Variants in CCDC69 observed in about 807,000 individuals in gnomAD.
CCDC69 encodes the protein coiled-coil domain-containing protein 69.
In CCDC69, 38 loss-of-function variants were observed where a neutral mutation model predicts 40.3. That is an observed-to-expected ratio of 0.94 (90% CI 0.73 to 1.24). The LOEUF (loss-of-function observed/expected upper bound fraction) is 1.24. CCDC69 is among the 50% of genes most tolerant of loss of function. The probability of loss-of-function intolerance (pLI) is 0.00; values close to 1 mark genes in which losing one functional copy is unlikely to be tolerated. For synonymous variants in CCDC69, 141 were observed against 138.9 expected (o/e 1.02, Z -0.11); for missense variants, 389 against 357.9 (o/e 1.09, Z -0.70).
chr5:151,204,112 C>T (rs1752820007), intron 2 of CCDC69, among the ~76,000 whole-genome samples: 1 of 151,824 alleles, frequency 6.6e-6, no homozygotes. Context: ...TCACCACAGC[C>T]TCAACCTCCT....
intron 1 of CCDC69, among the ~76,000 whole-genome samples, chr5:151,222,970 A>C (rs944297665): frequency 6.6e-6 from 1 of 152,174 alleles, no homozygotes; most frequent in Admixed American, 6.5e-5. Context: ...AAACACTGTC[A>C]CAGTTTGGGG....
intron 3 of CCDC69, 34 bp downstream of exon 3, chr5:151,201,548 G>T: frequency 6.9e-7 from 1 of 1,443,216 alleles, no homozygotes; most frequent in Non-Finnish European, 9.7e-7. Context: ...AGCTGAGCAG[G>T]AGAAAGACAG....
intron 1 of CCDC69, among the ~76,000 whole-genome samples, chr5:151,219,729 T>A (rs153469): frequency 0.22 from 32,800 of 152,000 alleles, 4,245 homozygotes; most frequent in East Asian, 0.46. Context: ...ATTGTGAGAT[T>A]AAAAGATTTT....
At position 151,187,350 on chromosome 5, in the gene CCDC69, C is replaced by T. The variant is rs201014200; in HGVS notation, c.393+36G>A. ...TGCTTTCCCATTGGTCCTCACTTAC[C>T]CTTATCCAAGACTGACACGACCCAG... On this transcript the variant is annotated intron_variant, in intron 5 of 8. Coordinates refer to ENST00000355417, the MANE Select transcript of CCDC69 (RefSeq NM_015621.3). The T allele has an allele frequency of 1.4e-4, 222 of 1,593,354 alleles. 1 individual carries two copies. The African/African-American group carries it at 2.5e-3, about 18-fold the overall frequency.
intron 4 of CCDC69, chr5:151,198,718 C>T: frequency 2.9e-6 from 1 of 350,000 alleles, no homozygotes; most frequent in Non-Finnish European, 5.2e-6. Flanking sequence ...CTGGGTTTTC[C>T]AAATTTCCCT....
At chr5:151,205,506 G>A (rs1432121446) in intron 1 of CCDC69, 31 bp from the exon 2 acceptor site, 1 of 1,598,580 alleles carries the variant, frequency 6.3e-7, no homozygotes, top group Non-Finnish European at 8.6e-7. Flanking sequence ...GCAAGGCGTG[G>A]GTAGAGGGTG....
intron 1 of CCDC69, among the ~76,000 whole-genome samples, chr5:151,206,620 G>A (rs1000400351): frequency 1.3e-5 from 2 of 152,032 alleles, no homozygotes; most frequent in African/African-American, 2.4e-5. Context: ...TTGCTCTGTC[G>A]CCCAGGCTGG....
At chr5:151,222,763 A>G (rs1002208766) in intron 1 of CCDC69, among the ~76,000 whole-genome samples, 1 of 152,210 alleles carries the variant, frequency 6.6e-6, no homozygotes, top group Admixed American at 6.5e-5. Flanking sequence ...GGAGTGAGTA[A>G]AGACATGAGG....
In CCDC69 at chr5:151,182,222, C is replaced by T. The variant is rs192866790; in HGVS notation, c.*1215G>A. On this transcript the variant is annotated 3_prime_UTR_variant, in exon 9 of 9. Transcript: ENST00000355417. The stretch of plus-strand genomic sequence containing the variant: ...GTATGGAAAGCCTTTGATGCAAATG[C>T]TCTATGCAGAACAGGAGTTATAATT... 2.0e-4 allele frequency: 31 copies of T among 152,378 alleles called. No homozygotes were observed. The highest frequency in any genetic ancestry group is 7.0e-4 in the African/African-American group (29 of 41,570). The allele number at this position is 152,378 out of a possible 1,614,324, so 9.4% of individuals were successfully genotyped here. A position where few individuals can be genotyped will look rare whatever the true frequency, so the allele number is the denominator to read the frequency against.
At chr5:151,218,887 G>A (rs1753092611) in intron 1 of CCDC69, among the ~76,000 whole-genome samples, 1 of 152,166 alleles carries the variant, frequency 6.6e-6, no homozygotes, top group Non-Finnish European at 1.5e-5. Context: ...TTAAAAACAT[G>A]TACATGTGCA....
intron 4 of CCDC69, among the ~76,000 whole-genome samples, chr5:151,191,605 A>G (rs766650292): frequency 6.6e-6 from 1 of 152,264 alleles, no homozygotes; most frequent in Non-Finnish European, 1.5e-5. Context: ...GCACTTCCAC[A>G]TATTCAATGC....
chr5:151,215,597 G>A, intron 1 of CCDC69: 6 of 400,680 alleles, frequency 1.5e-5, no homozygotes, highest in South Asian at 1.0e-4. Flanking sequence ...TTGCTCAGGA[G>A]GCCTGGGTGA....
At chr5:151,183,730 C>T (rs940494778) in intron 8 of CCDC69, 116 bp from the exon 9 acceptor site, 56 of 893,742 alleles carry the variant, frequency 6.3e-5, no homozygotes, top group Non-Finnish European at 8.5e-5. Flanking sequence ...AGGGTCCCCA[C>T]TGCCCTCCTT....
At chr5:151,212,356 C>T (rs1262173366) in intron 1 of CCDC69, 1 of 165,028 alleles carries the variant, frequency 6.1e-6, no homozygotes, top group Non-Finnish European at 1.3e-5. Flanking sequence ...CAGCCCTTCT[C>T]CTAAGAAGGC....
At chr5:151,188,677 C>T (rs6897702) in intron 4 of CCDC69, among the ~76,000 whole-genome samples, 4 of 150,908 alleles carry the variant, frequency 2.7e-5, no homozygotes, top group African/African-American at 9.7e-5. Context: ...AAGAATTTAT[C>T]AATATATAAT....
intron 1 of CCDC69, 87 bp from the exon 2 acceptor site, chr5:151,205,562 G>T: frequency 9.1e-7 from 1 of 1,101,488 alleles, no homozygotes; most frequent in Non-Finnish European, 1.4e-6. Flanking sequence ...CTCTTCCAAA[G>T]GCAAGGCAGG....
chr5:151,218,711 T>C (rs1164071085), intron 1 of CCDC69, among the ~76,000 whole-genome samples: 4 of 152,116 alleles, frequency 2.6e-5, no homozygotes, highest in Non-Finnish European at 2.9e-5. Context: ...ATTTCATCTT[T>C]TCTTCCCTTT....
intron 1 of CCDC69, among the ~76,000 whole-genome samples, chr5:151,214,051 T>C (rs1053386763): frequency 6.6e-6 from 1 of 152,132 alleles, no homozygotes; most frequent in African/African-American, 2.4e-5. Flanking sequence ...AGATAACTTG[T>C]CAGAAGCTGC....
intron 1 of CCDC69, among the ~76,000 whole-genome samples, chr5:151,216,893 C>T (rs1753051968): frequency 6.6e-6 from 1 of 152,056 alleles, no homozygotes. Flanking sequence ...CAGAAGTGGA[C>T]CCATTGTTAG....
Sources: allele counts gnomAD v4.1 joint callset (sites outside exome capture counted in the v4.1 genomes callset), GRCh38; gene constraint gnomAD v4.1.1; transcripts MANE v1.5; gene names NCBI Gene and HGNC (gene_info 2026-07-23, HGNC 2026-07-21).